Variants in HOMER1 observed in about 807,000 individuals in gnomAD.
The protein encoded by HOMER1 is homer scaffold protein 1, also known as homer protein homolog 1.
HOMER1 carries 3 observed loss-of-function variants against 48.9 expected under a neutral mutation model. That is an observed-to-expected ratio of 0.06 (90% CI 0.03 to 0.16). The LOEUF (loss-of-function observed/expected upper bound fraction) is 0.16, where lower values mean the gene tolerates loss of function less well. HOMER1 is among the 10% of genes least tolerant of loss of function. The probability of loss-of-function intolerance (pLI) is 1.00; values close to 1 mark genes in which losing one functional copy is unlikely to be tolerated. For synonymous variants in HOMER1, 134 were observed against 146.4 expected (o/e 0.92, Z 0.61); for missense variants, 247 against 411.4 (o/e 0.60, Z 3.46).
At chr5:79,478,927 G>C (rs1452534678) in intron 1 of HOMER1, among the ~76,000 whole-genome samples, 1 of 152,036 alleles carries the variant, frequency 6.6e-6, no homozygotes, top group African/African-American at 2.4e-5. Flanking sequence ...ACTCCAGCCT[G>C]GGTGACAAAG....
intron 5 of HOMER1, among the ~76,000 whole-genome samples, chr5:79,421,502 C>T (rs1018074118): frequency 4.1e-4 from 63 of 152,072 alleles, no homozygotes; most frequent in African/African-American, 1.3e-3. Context: ...ATGTAAATTA[C>T]CTTAATCTAA....
At chr5:79,403,521 T>C (rs1460689304) in intron 5 of HOMER1, among the ~76,000 whole-genome samples, 1 of 152,134 alleles carries the variant, frequency 6.6e-6, no homozygotes, top group Non-Finnish European at 1.5e-5. Context: ...GAAAATATCA[T>C]ATAAACCCAA....
chr5:79,401,827 T>A (rs1749543286), intron 6 of HOMER1, 72 bp downstream of exon 6: 2 of 1,437,756 alleles, frequency 1.4e-6, no homozygotes, highest in East Asian at 4.6e-5. Context: ...GTGCTGAATC[T>A]ACATGCAAAT....
intron 1 of HOMER1, among the ~76,000 whole-genome samples, chr5:79,506,447 T>C (rs1752769343): frequency 6.6e-6 from 1 of 152,124 alleles, no homozygotes; most frequent in South Asian, 2.1e-4. Flanking sequence ...TCAAAAGGTA[T>C]GAAATGCTAA....
At chr5:79,481,340 T>C (rs553879821) in intron 1 of HOMER1, among the ~76,000 whole-genome samples, 2 of 152,338 alleles carry the variant, frequency 1.3e-5, no homozygotes, top group East Asian at 1.9e-4. Flanking sequence ...TTTCAGACAC[T>C]GCACAATAAA....
At chr5:79,505,987 T>C (rs1457043360) in intron 1 of HOMER1, among the ~76,000 whole-genome samples, 6 of 152,128 alleles carry the variant, frequency 3.9e-5, no homozygotes, top group Non-Finnish European at 7.4e-5. Flanking sequence ...ACTGAAAGAA[T>C]AGTAAAAAAG....
intron 8 of HOMER1, among the ~76,000 whole-genome samples, chr5:79,396,290 T>C (rs559276538): frequency 2.1e-5 from 3 of 145,064 alleles, no homozygotes; most frequent in South Asian, 2.1e-4. Flanking sequence ...CATTAGTACA[T>C]TGTAAAATAA....
intron 8 of HOMER1, among the ~76,000 whole-genome samples, chr5:79,393,592 T>C (rs1483019219): frequency 6.6e-6 from 1 of 152,224 alleles, no homozygotes; most frequent in African/African-American, 2.4e-5. Context: ...GGGGTACCAA[T>C]ATCCAGTGGG....
chr5:79,402,779 G>A (rs1749565578), intron 5 of HOMER1, among the ~76,000 whole-genome samples: 1 of 152,066 alleles, frequency 6.6e-6, no homozygotes, highest in Non-Finnish European at 1.5e-5. Flanking sequence ...AAACATATGA[G>A]GATGCTTAAA....
chr5:79,389,693 C>A (rs1420241483), intron 8 of HOMER1, among the ~76,000 whole-genome samples: 2 of 152,204 alleles, frequency 1.3e-5, no homozygotes, highest in African/African-American at 4.8e-5. Context: ...CCGCCCGTAC[C>A]TTGACCTCGG....
chr5:79,396,796 T>C (rs1299330119), intron 8 of HOMER1, 27 bp downstream of exon 8: 18 of 1,375,814 alleles, frequency 1.3e-5, no homozygotes, highest in Non-Finnish European at 1.9e-5. Flanking sequence ...TATGCAGAAG[T>C]GAATAACAAT....
chr5:79,485,830 G>C (rs534978997), intron 1 of HOMER1, among the ~76,000 whole-genome samples: 1 of 152,232 alleles, frequency 6.6e-6, no homozygotes, highest in South Asian at 2.1e-4. Flanking sequence ...AAAGATGGCT[G>C]CAACAGTATC....
chr5:79,425,382 T>C (rs1750218431), intron 5 of HOMER1, among the ~76,000 whole-genome samples: 1 of 139,874 alleles, frequency 7.1e-6, no homozygotes, highest in South Asian at 2.4e-4. Context: ...GCAGAAAATT[T>C]TTAAAAAGTG....
At chr5:79,446,804 ATTTTTTTTTT>A (rs35036295) in intron 4 of HOMER1, among the ~76,000 whole-genome samples, 6 of 101,728 alleles carry the variant, frequency 5.9e-5, no homozygotes, top group African/African-American at 2.4e-4. Flanking sequence ...CACTTGGCTA[ATTTTTTTTTT>A]TTTTTTTTTT....
At chr5:79,389,249 G>T (rs1471412233) in intron 8 of HOMER1, among the ~76,000 whole-genome samples, 1 of 151,626 alleles carries the variant, frequency 6.6e-6, no homozygotes, top group Non-Finnish European at 1.5e-5. Flanking sequence ...CCAAGCTCTC[G>T]CCCCAATACT....
chr5:79,415,728 T>TA lies in HOMER1; in HGVS notation c.528-13674dup, dbSNP rs1749926396. ...CTGAAACAAATTACTTCAAAATGTA[T>TA]AATGTATGCCTTTATCACTCTATAA... On this transcript the variant is annotated intron_variant, in intron 5 of 8. Transcript: ENST00000334082. Among the ~76,000 whole-genome samples, 5 of 152,234 alleles carry TA rather than the reference T, an allele frequency of 3.3e-5. No homozygotes were observed. In the South Asian group the frequency reaches 1.0e-3, roughly 32 times the overall value.
At chr5:79,427,106 AAAC>A (rs1750277954) in intron 5 of HOMER1, among the ~76,000 whole-genome samples, 1 of 152,198 alleles carries the variant, frequency 6.6e-6, no homozygotes, top group Non-Finnish European at 1.5e-5. Context: ...GTATCCAGAA[AAAC>A]AAATCTTCTA....
chr5:79,378,914 CTAGT>C (rs1748849423), intron 8 of HOMER1, among the ~76,000 whole-genome samples: 1 of 150,652 alleles, frequency 6.6e-6, no homozygotes. Context: ...AGGAATTTTA[CTAGT>C]TAGATAACAA....
At chr5:79,430,473 T>C (rs768346471) in intron 5 of HOMER1, among the ~76,000 whole-genome samples, 5 of 152,178 alleles carry the variant, frequency 3.3e-5, no homozygotes, top group African/African-American at 4.8e-5. Context: ...AGGCTAAACA[T>C]AGAATTACCA....
Sources: gnomAD v4.1 joint callset for allele counts (sites outside exome capture counted in the v4.1 genomes callset) on GRCh38, gnomAD v4.1.1 for gene constraint, MANE v1.5 for transcripts, NCBI Gene and HGNC (gene_info 2026-07-23, HGNC 2026-07-21) for gene names.